AMBN: variants seen among roughly 807,000 people sequenced by gnomAD.
AMBN encodes the protein ameloblastin.
A neutral mutation model predicts 48.0 loss-of-function variants in AMBN; 54 were observed. The observed-to-expected ratio is 1.12, with a 90% confidence interval of 0.90 to 1.41. The LOEUF (loss-of-function observed/expected upper bound fraction) is 1.41. Among genes scored for constraint, AMBN ranks in the 40% most tolerant of loss-of-function variants. The pLI, the probability that AMBN is intolerant of heterozygous loss-of-function variation, is 0.00. For missense variants in AMBN, 571 were observed against 547.3 expected (o/e 1.04, Z -0.43); for synonymous variants, 186 against 190.0 (o/e 0.98, Z 0.17).
rs760956903 is a variant in AMBN, at chr4:70,603,297, T to A, written c.686T>A (p.Met229Lys). The A allele has an allele frequency of 6.2e-7, 1 of 1,613,780 alleles. No homozygotes were observed. Among genetic ancestry groups the A allele is most frequent in the Non-Finnish European group, 8.5e-7 (1 of 1,179,850 alleles). The change falls in exon 10 of 13, where the codon ATG (methionine) becomes AAG (lysine). Residue 229 changes from methionine (M) to lysine (K), a missense_variant. Met to Lys is a moderately conservative substitution (Grantham distance 95). Transcript: ENST00000322937. ...GCCCGTTTGATTTCTCACGGACCAA[T>A]GCCACAAAATAAACAATCTCCAGTA... ...QIARLISHGPMPQNKQSPLYP... is the reference protein window; with the variant it reads ...QIARLISHGPKPQNKQSPLYP...
chr4:70,606,246 C>T lies in AMBN; in HGVS notation c.860C>T (p.Pro287Leu), dbSNP rs776377225. The T allele has an allele frequency of 6.2e-7, 1 of 1,614,080 alleles. No homozygotes were observed. Among genetic ancestry groups the T allele is most frequent in the Non-Finnish European group, 8.5e-7 (1 of 1,179,998 alleles). Residue 287 changes from proline to leucine, a missense_variant, in exon 13 of 13, where the codon CCC becomes CTC. Physicochemically the swap from Pro to Leu is moderately conservative, Grantham distance 98. Coordinates refer to ENST00000322937, the MANE Select transcript of AMBN (RefSeq NM_016519.6). ...AMFPGFGGMR[P>L]GFEGMPHNPA... The stretch of plus-strand genomic sequence containing the variant: ...TTTCCAGGATTTGGAGGCATGAGGC[C>T]CGGCTTTGAGGGAATGCCCCACAAC...
intron 12 of AMBN, among the ~76,000 whole-genome samples, chr4:70,605,923 T>C (rs1737630998): frequency 6.6e-6 from 1 of 152,206 alleles, no homozygotes; most frequent in Admixed American, 6.5e-5. Flanking sequence ...AAACTCACCT[T>C]TGCCTCAAGT....
At position 70,606,653 on chromosome 4, in the gene AMBN, C is replaced by A. The variant is rs1334595511; in HGVS notation, c.1267C>A (p.Leu423Met). The change falls in exon 13 of 13, where the codon CTG becomes ATG. Residue 423 changes from leucine (L) to methionine (M), a missense_variant. Transcript: ENST00000322937. ...TMDTTMAPNS[L>M]QTSMPGNKAQ... ...GGATACCACGATGGCCCCAAACTCT[C>A]TGCAAACATCCATGCCAGGAAACAA... 6.2e-7 allele frequency: 1 copy of A among 1,614,096 alleles called. No individual in the cohort carries two copies. Among genetic ancestry groups the A allele is most frequent in the Admixed American group, 1.7e-5 (1 of 60,028 alleles).
In AMBN at chr4:70,594,835, C is replaced by G. The variant is rs181644387; in HGVS notation, c.84+1440C>G. On this transcript the variant is annotated intron_variant, in intron 2 of 12. Coordinates refer to ENST00000322937, the MANE Select transcript of AMBN (RefSeq NM_016519.6). ...ATTGGGTCCACTCTGAGGAACAGAA[C>G]AATTGCTTATTATTGCCAACTCATT... 2.3e-3 allele frequency among the ~76,000 whole-genome samples: 345 copies of G among 152,302 alleles called. 3 individuals are homozygous for G. Among genetic ancestry groups the G allele is most frequent in the African/African-American group, 7.9e-3 (328 of 41,566 alleles).
In AMBN at chr4:70,598,391, C is replaced by T; in HGVS notation, c.171C>T (p.Asn57=). 1 of 1,588,208 alleles carries T rather than the reference C, an allele frequency of 6.3e-7. No homozygotes were observed. The highest frequency in any genetic ancestry group is 8.6e-7 in the Non-Finnish European group (1 of 1,167,194). The change falls in exon 4 of 13, where the codon AAC becomes AAT. Residue 57 remains asparagine, a synonymous_variant. Transcript: ENST00000322937. ...MRQLGSLQRL[N]TLSQYSRYGF... is the part of the protein sequence containing the mutation. ...AGTTGGGAAGTCTGCAGAGATTAAA[C>T]ACACTTTCTCAGGTAATCATATTTC...
chr4:70,593,483 C>T lies in AMBN; in HGVS notation c.84+88C>T, dbSNP rs1261581096. The T allele has an allele frequency of 1.1e-5, 12 of 1,077,746 alleles. No individual in the cohort carries two copies. The East Asian group carries it at 1.4e-4, about 13-fold the overall frequency. 66.8% of individuals were successfully genotyped at this position (1,077,746 alleles called of 1,614,324 possible). On this transcript the variant is annotated intron_variant, in intron 2 of 12. Transcript: ENST00000322937. ...TGAAGGGATATGGACTGAGAGTCCA[C>T]GCATAGACTCACTTGATTTAATCCA...
At chr4:70,595,452 C>T (rs1424588578) in intron 2 of AMBN, among the ~76,000 whole-genome samples, 1 of 151,890 alleles carries the variant, frequency 6.6e-6, no homozygotes, top group Non-Finnish European at 1.5e-5. Context: ...CCCAAAGTTC[C>T]GGGATTAGTC....
At chr4:70,596,868 C>T (rs1737394280) in intron 2 of AMBN, 131 bp from the exon 3 acceptor site, 2 of 594,596 alleles carry the variant, frequency 3.4e-6, no homozygotes, top group Non-Finnish European at 5.9e-6. Context: ...GCACTCAAGT[C>T]ATTTGCATAA....
intron 5 of AMBN, among the ~76,000 whole-genome samples, chr4:70,600,346 G>T (rs1348832062): frequency 6.6e-6 from 1 of 151,686 alleles, no homozygotes; most frequent in Non-Finnish European, 1.5e-5. Flanking sequence ...AAAACATCAT[G>T]AACCCTACAG....
intron 12 of AMBN, among the ~76,000 whole-genome samples, chr4:70,605,066 A>G (rs1172701791): frequency 1.3e-5 from 2 of 152,164 alleles, no homozygotes; most frequent in Non-Finnish European, 2.9e-5. Flanking sequence ...ACAAGGGCAG[A>G]TACCTAATGT....
rs1366714586 is a variant in AMBN at position 70,602,616 on chromosome 4, T to C, written c.532-8T>C. ...GACTGATAATTTTAATATTTATCTGTGATATAGCTCCCAGGAGTAGATTTT... is the reference window on the plus strand; with the variant it reads ...GACTGATAATTTTAATATTTATCTGCGATATAGCTCCCAGGAGTAGATTTT... On this transcript the variant is annotated splice_polypyrimidine_tract_variant and splice_region_variant and intron_variant, in intron 6 of 12. Transcript: ENST00000322937. The C allele has an allele frequency of 6.4e-7, 1 of 1,551,332 alleles. No individual in the cohort carries two copies. The highest frequency in any genetic ancestry group is 8.7e-7 in the Non-Finnish European group (1 of 1,149,936).
At chr4:70,597,235 C>G (rs1737405625) in intron 3 of AMBN, among the ~76,000 whole-genome samples, 186 bp downstream of exon 3, 1 of 152,094 alleles carries the variant, frequency 6.6e-6, no homozygotes, top group African/African-American at 2.4e-5. Flanking sequence ...GTTTTAAACT[C>G]TCAGGTGTTT....
At chr4:70,600,958 T>C (rs1737507054) in intron 5 of AMBN, among the ~76,000 whole-genome samples, 1 of 152,174 alleles carries the variant, frequency 6.6e-6, no homozygotes, top group South Asian at 2.1e-4. Flanking sequence ...TCGAAAAATA[T>C]ATTAGGCACC....
chr4:70,604,583 C>A (rs1012797926), intron 12 of AMBN, among the ~76,000 whole-genome samples: 1 of 152,178 alleles, frequency 6.6e-6, no homozygotes, highest in African/African-American at 2.4e-5. Context: ...CAGATCCTGT[C>A]AAGTTAACAA....
chr4:70,602,922 T>TA (rs1278168603), intron 8 of AMBN, 50 bp from the exon 9 acceptor site: 1 of 1,541,516 alleles, frequency 6.5e-7, no homozygotes, highest in Non-Finnish European at 8.8e-7. Context: ...TGCATTTATC[T>TA]ATTTTGTTCC....
rs1266660066 is a variant in AMBN, at chr4:70,602,867, TTTTTTA to T, written c.609+47_609+52del. The T allele has an allele frequency of 3.0e-6, 4 of 1,344,012 alleles. No homozygotes were observed. The East Asian group carries it at 8.8e-5, about 29-fold the overall frequency. The allele number at this position is 1,344,012 out of a possible 1,614,324, so 83.3% of individuals were successfully genotyped here. On this transcript the variant is annotated intron_variant, in intron 8 of 12. Coordinates refer to ENST00000322937, the MANE Select transcript of AMBN (RefSeq NM_016519.6). ...TACAGATCTCAGTGAGACACTTCTATTTTTTATTTTTATTTTTATTTGTTCACTTTG... is the reference window on the plus strand; with the variant it reads ...TACAGATCTCAGTGAGACACTTCTATTTTTTATTTTTATTTGTTCACTTTG...
intron 3 of AMBN, 101 bp from the exon 4 acceptor site, chr4:70,598,255 C>T (rs1737433414): frequency 1.4e-6 from 1 of 702,986 alleles, no homozygotes. Context: ...TAAATTGATT[C>T]ACACCAAACT....
chr4:70,605,069 C>T (rs1373064727), intron 12 of AMBN, among the ~76,000 whole-genome samples: 4 of 151,490 alleles, frequency 2.6e-5, no homozygotes, highest in South Asian at 4.2e-4. Context: ...AGGGCAGATA[C>T]CTAATGTCAA....
chr4:70,601,410 C>A lies in AMBN; in HGVS notation c.295-8C>A. On this transcript the variant is annotated splice_region_variant and splice_polypyrimidine_tract_variant and intron_variant, in intron 5 of 12. Transcript: ENST00000322937. ...CCTTCCTAACACTCTTTTCAAATTT[C>A]TCTGCAGTATGAATATTCTTTGCCT... 6.2e-7 allele frequency: 1 copy of A among 1,612,912 alleles called. No individual in the cohort carries two copies. Among genetic ancestry groups the A allele is most frequent in the East Asian group, 2.2e-5 (1 of 44,876 alleles).
Sources: gnomAD v4.1 joint callset for allele counts (sites outside exome capture counted in the v4.1 genomes callset) on GRCh38, gnomAD v4.1.1 for gene constraint, MANE v1.5 for transcripts, NCBI Gene and HGNC (gene_info 2026-07-23, HGNC 2026-07-21) for gene names.